The following GRK5 variants were observed in gnomAD, a reference collection of about 807,000 sequenced individuals.
GRK5 encodes G protein-coupled receptor kinase 5, also known as g protein-coupled receptor kinase GRK5.
A neutral mutation model predicts 78.4 loss-of-function variants in GRK5; 40 were observed. The observed-to-expected ratio is 0.51, with a 90% CI of 0.40 to 0.66. The LOEUF (loss-of-function observed/expected upper bound fraction) is 0.66, where lower values mean the gene tolerates loss of function less well. Among genes scored for constraint, GRK5 ranks in the 30% least tolerant of loss-of-function variants. GRK5 has a pLI of 0.00. For missense variants in GRK5, 598 were observed against 759.9 expected (o/e 0.79, Z 2.50); for synonymous variants, 289 against 296.8 (o/e 0.97, Z 0.27).
intron 3 of GRK5, among the ~76,000 whole-genome samples, chr10:119,385,428 C>G (rs1589777797): frequency 6.6e-6 from 1 of 152,108 alleles, no homozygotes; most frequent in East Asian, 1.9e-4. Flanking sequence ...CCATGCCCAT[C>G]TGTGACTTAG....
chr10:119,217,387 G>C lies in GRK5; in HGVS notation c.52+9418G>C, dbSNP rs1161878103. The stretch of plus-strand genomic sequence containing the variant: ...TCAATACAACTGAATCTGTGTTTGA[G>C]GACAAGGCAGGATGCCTACATGCCA... On this transcript the variant is annotated intron_variant, in intron 1 of 15. Transcript: ENST00000392870. This position sits in a 1 kb window ranked among gnomAD's most constrained non-coding sequence, Gnocchi z 4.1. Among the ~76,000 whole-genome samples, 1 of 152,206 alleles carries C rather than the reference G, an allele frequency of 6.6e-6. No individual in the cohort carries two copies. The highest frequency in any genetic ancestry group is 1.5e-5 in the Non-Finnish European group (1 of 68,030).
intron 1 of GRK5, among the ~76,000 whole-genome samples, chr10:119,301,276 T>C (rs545659030): frequency 7.9e-4 from 121 of 152,232 alleles, no homozygotes; most frequent in African/African-American, 2.7e-3. Context: ...TCTAACGCCA[T>C]GGGTTAGTCT....
intron 3 of GRK5, among the ~76,000 whole-genome samples, chr10:119,391,433 C>T (rs933546114): frequency 6.6e-6 from 1 of 152,190 alleles, no homozygotes; most frequent in African/African-American, 2.4e-5. Context: ...AACAGATGGC[C>T]GGCCCCATGT....
At position 119,379,192 on chromosome 10, in the gene GRK5, T is replaced by C. The variant is rs1564911189; in HGVS notation, c.149-1623T>C. On this transcript the variant is annotated intron_variant, in intron 2 of 15. Transcript: ENST00000392870. The surrounding 1 kb of genome is among the most constrained non-coding windows in gnomAD (Gnocchi z 4.1). Reference sequence around the variant, plus strand: ...CAGCATCTGGTCTGAGTGGTTTCTATGTATTGTCTTATTCATTCTTCGGGA... The same window carrying C: ...CAGCATCTGGTCTGAGTGGTTTCTACGTATTGTCTTATTCATTCTTCGGGA... 6.6e-6 allele frequency among the ~76,000 whole-genome samples: 1 copy of C among 152,198 alleles called. No homozygotes were observed. Among genetic ancestry groups the C allele is most frequent in the Non-Finnish European group, 1.5e-5 (1 of 68,034 alleles).
Position 119,265,451 on chromosome 10 carries a change from G to T in GRK5, c.52+57482G>T, listed in dbSNP as rs115160182. On this transcript the variant is annotated intron_variant, in intron 1 of 15. Transcript: ENST00000392870. ...TGAGTCGGTTAAGATGAGGTCATGA[G>T]GATGGGGCCTCCATGATGGGATTAG... 1.7e-3 allele frequency among the ~76,000 whole-genome samples: 252 copies of T among 152,286 alleles called. 1 individual carries two copies. Among genetic ancestry groups the T allele is most frequent in the African/African-American group, 5.9e-3 (247 of 41,550 alleles).
At chr10:119,216,365 A>G (rs986884266) in intron 1 of GRK5, among the ~76,000 whole-genome samples, 2 of 152,232 alleles carry the variant, frequency 1.3e-5, no homozygotes, top group African/African-American at 4.8e-5. Flanking sequence ...TAAACAGATA[A>G]GAACATGCCT....
intron 2 of GRK5, among the ~76,000 whole-genome samples, chr10:119,337,519 T>C (rs902056973): frequency 6.6e-6 from 1 of 152,214 alleles, no homozygotes; most frequent in Non-Finnish European, 1.5e-5. Flanking sequence ...CTGTCATTAT[T>C]TGGTGTTCTG....
intron 1 of GRK5, among the ~76,000 whole-genome samples, chr10:119,325,871 C>T (rs920321685): frequency 2.6e-5 from 4 of 152,254 alleles, no homozygotes; most frequent in East Asian, 1.9e-4. Flanking sequence ...ATTCATTGTG[C>T]GTGTGCATGT....
Position 119,219,139 on chromosome 10 carries a change from C to T in GRK5, c.52+11170C>T, listed in dbSNP as rs545899894. Among the ~76,000 whole-genome samples the T allele has an allele frequency of 7.2e-5, 11 of 152,276 alleles. No homozygotes were observed. In the Middle Eastern group the frequency reaches 0.014, roughly 188 times the overall value. ...CCTGACCTCGTGATCCTCCCTGCCT[C>T]GGCCTCCCAAAGTGCTGGGATTACA... On this transcript the variant is annotated intron_variant, in intron 1 of 15. Transcript: ENST00000392870.
chr10:119,408,363 A>AAAAAAAT (rs1554918541), intron 4 of GRK5, among the ~76,000 whole-genome samples: 2 of 141,824 alleles, frequency 1.4e-5, no homozygotes, highest in African/African-American at 2.6e-5. Flanking sequence ...AAAAAAAAAA[A>AAAAAAAT]GGCAGAAAAC....
chr10:119,385,534 C>T (rs963329022), intron 3 of GRK5, among the ~76,000 whole-genome samples: 1 of 152,150 alleles, frequency 6.6e-6, no homozygotes, highest in African/African-American at 2.4e-5. Context: ...TTGCAGCAGT[C>T]CAGGTGAGAG....
intron 2 of GRK5, among the ~76,000 whole-genome samples, chr10:119,327,635 A>G (rs1850701969): frequency 6.6e-6 from 1 of 152,108 alleles, no homozygotes. Flanking sequence ...GCTTTTCTAA[A>G]TGGCCTCTTC....
intron 1 of GRK5, among the ~76,000 whole-genome samples, chr10:119,250,853 C>T (rs1849187811): frequency 6.6e-6 from 1 of 152,096 alleles, no homozygotes; most frequent in African/African-American, 2.4e-5. Context: ...CCTGTGCTGC[C>T]CAGTCACACT....
chr10:119,306,106 C>A (rs1403237726), intron 1 of GRK5, among the ~76,000 whole-genome samples: 1 of 152,092 alleles, frequency 6.6e-6, no homozygotes, highest in Non-Finnish European at 1.5e-5. Flanking sequence ...GGGCAGTGCC[C>A]GCCTGGGCTG....
At chr10:119,281,466 G>C (rs1056762948) in intron 1 of GRK5, among the ~76,000 whole-genome samples, 1 of 152,144 alleles carries the variant, frequency 6.6e-6, no homozygotes, top group Non-Finnish European at 1.5e-5. Context: ...AGTGGTGATG[G>C]CTCGTTCATT....
intron 3 of GRK5, 73 bp downstream of exon 3, chr10:119,381,000 A>G (rs2133831321): frequency 2.3e-6 from 2 of 880,580 alleles, no homozygotes; most frequent in Non-Finnish European, 3.8e-6. Flanking sequence ...AAAGGAAAAA[A>G]TAGATCTCAT....
intron 2 of GRK5, among the ~76,000 whole-genome samples, chr10:119,369,982 C>T (rs1353131022): frequency 6.6e-6 from 1 of 151,756 alleles, no homozygotes; most frequent in Non-Finnish European, 1.5e-5. Flanking sequence ...CCTTTTTTGT[C>T]CTTGGTGATA....
intron 1 of GRK5, among the ~76,000 whole-genome samples, chr10:119,231,719 A>G (rs1026005871): frequency 3.3e-5 from 5 of 151,788 alleles, no homozygotes; most frequent in Admixed American, 6.6e-5. Context: ...AAAAAAAAAA[A>G]AAAAGAAAAA....
At chr10:119,334,195 C>T (rs1850834732) in intron 2 of GRK5, among the ~76,000 whole-genome samples, 3 of 152,204 alleles carry the variant, frequency 2.0e-5, no homozygotes, top group Admixed American at 6.5e-5. Context: ...AACCCCAGTG[C>T]TTTGAGGGGC....
Sources: gnomAD v4.1 joint callset for allele counts (sites outside exome capture counted in the v4.1 genomes callset) on GRCh38, gnomAD v4.1.1 for gene constraint, Gnocchi (gnomAD v3.1) non-coding constraint, MANE v1.5 for transcripts, NCBI Gene and HGNC (gene_info 2026-07-23, HGNC 2026-07-21) for gene names.